The following HEATR4 variants were observed in gnomAD, a reference collection of about 807,000 sequenced individuals.
The protein encoded by HEATR4 is HEAT repeat containing 4.
A neutral mutation model predicts 108.8 loss-of-function variants in HEATR4; 95 were observed. That is an observed-to-expected ratio of 0.87 (90% CI 0.74 to 1.04). The LOEUF (loss-of-function observed/expected upper bound fraction) is 1.04, where lower values mean the gene tolerates loss of function less well. Ranked by LOEUF, HEATR4 falls within the 50% of genes least tolerant of loss-of-function variation. The pLI is 0.00. For missense variants in HEATR4, 1,152 were observed against 1,253.8 expected (o/e 0.92, Z 1.23); for synonymous variants, 443 against 459.4 (o/e 0.96, Z 0.46).
At chr14:73,512,473 A>G (rs1383216144) in intron 6 of HEATR4, among the ~76,000 whole-genome samples, 1 of 152,190 alleles carries the variant, frequency 6.6e-6, no homozygotes, top group Non-Finnish European at 1.5e-5. Context: ...GTTTTCAGAC[A>G]TACCTGGTTT....
intron 17 of HEATR4, chr14:73,491,205 C>G (rs1338934744): frequency 1.3e-6 from 2 of 1,593,918 alleles, no homozygotes; most frequent in East Asian, 2.3e-5. Flanking sequence ...AGCGAGAACT[C>G]GGAGGAATCG....
intron 1 of HEATR4, among the ~76,000 whole-genome samples, chr14:73,542,263 G>A (rs1889112744): frequency 9.2e-6 from 1 of 109,108 alleles, no homozygotes; most frequent in African/African-American, 3.1e-5. Context: ...CTCCCAGAGT[G>A]CTGGAATTAC....
At chr14:73,520,627 A>G (rs1887914606) in intron 4 of HEATR4, 1 of 463,912 alleles carries the variant, frequency 2.2e-6, no homozygotes, top group African/African-American at 2.0e-5. Context: ...CTTTAGTAAG[A>G]TAGAGGGATA....
intron 7 of HEATR4, among the ~76,000 whole-genome samples, chr14:73,509,744 A>G (rs1374969755): frequency 7.0e-6 from 1 of 143,486 alleles, no homozygotes; most frequent in Non-Finnish European, 1.5e-5. Flanking sequence ...GAATGTTTCC[A>G]GCTAGGCTAC....
chr14:73,612,827 C>A, the HEATR4 span: 531 of 1,422,118 alleles, frequency 3.7e-4, 2 homozygotes, highest in East Asian at 9.7e-3. Context: ...GGCGTTGGAG[C>A]CCGAGAAAGC....
chr14:73,628,974 G>A, the HEATR4 span, among the ~76,000 whole-genome samples: 1 of 151,570 alleles, frequency 6.6e-6, no homozygotes, highest in Non-Finnish European at 1.5e-5. Flanking sequence ...AGAATTCCCT[G>A]TACCTGGGAG....
chr14:73,620,679 T>C, the HEATR4 span, among the ~76,000 whole-genome samples: 2 of 152,012 alleles, frequency 1.3e-5, no homozygotes, highest in African/African-American at 4.8e-5. Context: ...GCGATTCTCC[T>C]GCCCCAGCCT....
intron 6 of HEATR4, 80 bp downstream of exon 6, chr14:73,513,951 T>A (rs1887428584): frequency 1.4e-6 from 2 of 1,428,128 alleles, no homozygotes; most frequent in Non-Finnish European, 9.9e-7. Context: ...GATGGATTTT[T>A]CAAAGACTGA....
chr14:73,596,872 T>C, the HEATR4 span, among the ~76,000 whole-genome samples: 1 of 152,146 alleles, frequency 6.6e-6, no homozygotes, highest in Non-Finnish European at 1.5e-5. Flanking sequence ...TTGCTGGGAT[T>C]ACAGGCATGA....
rs770986275 is a variant in HEATR4, at chr14:73,512,004, A to C, written c.1558+2T>G. 10 of 1,613,810 alleles carry C rather than the reference A, an allele frequency of 6.2e-6. No individual in the cohort carries two copies. The highest frequency in any genetic ancestry group is 8.5e-6 in the Non-Finnish European group (10 of 1,179,858). ...CTCAAGCAGTTCAGCTTTGGCTCTCACCTGAGTCTCTCTGGCTGGTGGCAA... is the reference window on the plus strand; with the variant it reads ...CTCAAGCAGTTCAGCTTTGGCTCTCCCCTGAGTCTCTCTGGCTGGTGGCAA... On this transcript the variant is annotated splice_donor_variant, in intron 7 of 17. Coordinates refer to ENST00000553558, the MANE Select transcript of HEATR4 (RefSeq NM_001220484.1). LOFTEE classifies it high-confidence loss of function.
In HEATR4 at chr14:73,539,736, C is replaced by A. The variant is rs1199769176; in HGVS notation, c.-151-9492G>T. The A allele has an allele frequency of 1.7e-5, 2 of 118,708 alleles. 1 individual carries two copies. Among genetic ancestry groups the A allele is most frequent in the African/African-American group, 5.5e-5 (2 of 36,294 alleles). The allele number at this position is 118,708 out of a possible 1,614,324, so 7.4% of individuals were successfully genotyped here. On this transcript the variant is annotated intron_variant, in intron 1 of 17. Coordinates refer to ENST00000553558, the MANE Select transcript of HEATR4 (RefSeq NM_001220484.1). ...CCCACAGGATGCCGTCTGGAAGCTG[C>A]CAGCACGCGGTCCCTGTCCATCAGC...
chr14:73,592,391 G>A, the HEATR4 span: 2 of 1,546,210 alleles, frequency 1.3e-6, no homozygotes, highest in Non-Finnish European at 8.7e-7. Context: ...CGGGCCGGGT[G>A]CGCGCCACGC....
At chr14:73,630,257 C>A in the HEATR4 span, among the ~76,000 whole-genome samples, 11 of 152,072 alleles carry the variant, frequency 7.2e-5, no homozygotes, top group African/African-American at 2.7e-4. Flanking sequence ...CAGACCCCTC[C>A]AAGTTAGCTC....
the HEATR4 span, among the ~76,000 whole-genome samples, chr14:73,622,884 T>C: frequency 6.6e-6 from 1 of 152,080 alleles, no homozygotes; most frequent in African/African-American, 2.4e-5. Context: ...CATTCAGTCA[T>C]GTATTTTATA....
intron 10 of HEATR4, among the ~76,000 whole-genome samples, chr14:73,504,416 T>TA (rs1007349922): frequency 6.6e-6 from 1 of 151,992 alleles, no homozygotes; most frequent in Non-Finnish European, 1.5e-5. Context: ...CTAATTTTTT[T>TA]TATTTTTAGT....
chr14:73,500,881 A>G, intron 11 of HEATR4, 151 bp from the exon 12 acceptor site: 3 of 659,824 alleles, frequency 4.5e-6, no homozygotes, highest in Non-Finnish European at 7.7e-6. Flanking sequence ...TACTGGGTAC[A>G]GAGCTCGATT....
chr14:73,619,919 CTTTTTT>C, the HEATR4 span: 28 of 1,174,848 alleles, frequency 2.4e-5, no homozygotes, highest in Non-Finnish European at 3.2e-5. Context: ...TTTCTTTTCT[CTTTTTT>C]TTTTTTTTTC....
chr14:73,597,563 CTTTTTCTTTT>C, the HEATR4 span, among the ~76,000 whole-genome samples: 12 of 134,948 alleles, frequency 8.9e-5, no homozygotes, highest in East Asian at 2.4e-3. Context: ...TTTTGTATTT[CTTTTTCTTTT>C]TTTTTCTTTT....
chr14:73,574,817 A>AG, the HEATR4 span: 1 of 1,596,080 alleles, frequency 6.3e-7, no homozygotes, highest in African/African-American at 1.3e-5. Flanking sequence ...ATTCAGACTC[A>AG]GGTTCAACTA....
Sources: allele counts gnomAD v4.1 joint callset (sites outside exome capture counted in the v4.1 genomes callset), GRCh38; gene constraint gnomAD v4.1.1; transcripts MANE v1.5; gene names NCBI Gene and HGNC (gene_info 2026-07-23, HGNC 2026-07-21).